RNF180: variants seen among roughly 807,000 people sequenced by gnomAD.
RNF180 encodes E3 ubiquitin-protein ligase RNF180.
Under a neutral mutation model 59.2 loss-of-function variants are expected in RNF180, and 38 were observed. The observed-to-expected ratio is 0.64, with a 90% CI of 0.50 to 0.84. The LOEUF (loss-of-function observed/expected upper bound fraction) is 0.84. Ranked by LOEUF, RNF180 falls within the 40% of genes least tolerant of loss-of-function variation. The pLI, the probability that RNF180 is intolerant of heterozygous loss-of-function variation, is 0.00. For synonymous variants in RNF180, 262 were observed against 240.3 expected (o/e 1.09, Z -0.84); for missense variants, 705 against 700.9 (o/e 1.01, Z -0.07).
At chr5:64,183,441 C>CTTTTT (rs367772828) in intron 1 of RNF180, among the ~76,000 whole-genome samples, 10 of 89,914 alleles carry the variant, frequency 1.1e-4, no homozygotes, top group African/African-American at 3.6e-4. Context: ...GAAAGTATAC[C>CTTTTT]TTTTTTTTTT....
intron 5 of RNF180, among the ~76,000 whole-genome samples, chr5:64,315,128 A>G (rs756876546): frequency 1.3e-5 from 2 of 152,212 alleles, no homozygotes; most frequent in African/African-American, 4.8e-5. Flanking sequence ...AAATGTTGAC[A>G]TATTTTATTA....
chr5:64,260,123 A>C (rs1283857388), intron 5 of RNF180, among the ~76,000 whole-genome samples: 1 of 152,224 alleles, frequency 6.6e-6, no homozygotes, highest in Non-Finnish European at 1.5e-5. Context: ...ATAGGCACAT[A>C]TGTAATTTAC....
At chr5:64,179,131 A>T (rs1750430889) in intron 1 of RNF180, among the ~76,000 whole-genome samples, 1 of 152,186 alleles carries the variant, frequency 6.6e-6, no homozygotes, top group Middle Eastern at 3.2e-3. Flanking sequence ...AAGCAAAATA[A>T]ATGTTTCATA....
At chr5:64,272,647 C>G (rs6875705) in intron 5 of RNF180, among the ~76,000 whole-genome samples, 39,979 of 151,528 alleles carry the variant, frequency 0.26, 5,411 homozygotes, top group Middle Eastern at 0.32. Flanking sequence ...AGGATGGTAA[C>G]GAAAATTAAT....
Position 64,369,477 on chromosome 5 carries a change from G to A in RNF180, c.1580-138G>A, listed in dbSNP as rs76561908. The A allele has an allele frequency of 1.6e-3, 791 of 485,862 alleles. 4 individuals carry two copies. The highest frequency in any genetic ancestry group is 0.015 in the African/African-American group (742 of 49,532). 30.1% of individuals were successfully genotyped at this position (485,862 alleles called of 1,614,324 possible). A position where few individuals can be genotyped will look rare whatever the true frequency, so the allele number is the denominator to read the frequency against. ...AAGTATAATAATAATAAAAAAAAAA[G>A]AAAAAACTGTCAGGAATACAACATA... On this transcript the variant is annotated intron_variant, in intron 7 of 7. Transcript: ENST00000389100.
intron 5 of RNF180, among the ~76,000 whole-genome samples, chr5:64,266,267 A>G (rs1230636279): frequency 6.6e-6 from 1 of 152,102 alleles, no homozygotes; most frequent in Non-Finnish European, 1.5e-5. Flanking sequence ...TGTCAATGCC[A>G]CATAGAAAAG....
chr5:64,324,634 A>G (rs1341195239), intron 5 of RNF180, among the ~76,000 whole-genome samples: 1 of 152,180 alleles, frequency 6.6e-6, no homozygotes, highest in East Asian at 1.9e-4. Context: ...TAATCCCATA[A>G]TTACTCTCAG....
chr5:64,305,039 A>G (rs1014423878), intron 5 of RNF180, among the ~76,000 whole-genome samples: 41 of 151,788 alleles, frequency 2.7e-4, no homozygotes, highest in African/African-American at 8.0e-4. Flanking sequence ...TTTAGCAGTA[A>G]TGTGGGTTTT....
At chr5:64,230,131 A>C (rs1347396863) in intron 5 of RNF180, among the ~76,000 whole-genome samples, 1 of 152,214 alleles carries the variant, frequency 6.6e-6, no homozygotes, top group African/African-American at 2.4e-5. Context: ...AAATGAGGCA[A>C]CTTCTATAAA....
In RNF180 at chr5:64,330,320, A is replaced by G; in HGVS notation, c.1493A>G (p.Tyr498Cys). 6.6e-7 allele frequency: 1 copy of G among 1,525,578 alleles called. No individual in the cohort carries two copies. The highest frequency in any genetic ancestry group is 1.2e-5 in the South Asian group (1 of 81,370). 94.5% of individuals were successfully genotyped at this position (1,525,578 alleles called of 1,614,324 possible). A position where few individuals can be genotyped will look rare whatever the true frequency, so the allele number is the denominator to read the frequency against. ...ACAAAAACTTTCTTTACTAAAGAATATTTGAAAATAAAACAAAGCTTTCAG... is the reference window on the plus strand; with the variant it reads ...ACAAAAACTTTCTTTACTAAAGAATGTTTGAAAATAAAACAAAGCTTTCAG... ...NATKTFFTKE[Y>C]LKIKQSFQKS... The change falls in exon 7 of 8, where the codon TAT becomes TGT. Residue 498 changes from tyrosine (Y) to cysteine (C), a missense_variant. Transcript: ENST00000389100.
intron 5 of RNF180, among the ~76,000 whole-genome samples, chr5:64,277,784 C>T (rs531566691): frequency 3.9e-5 from 6 of 152,148 alleles, no homozygotes; most frequent in African/African-American, 1.4e-4. Flanking sequence ...ATAGTGTCAG[C>T]TCCTTCTTCT....
chr5:64,250,503 T>G (rs1414062627), intron 5 of RNF180, among the ~76,000 whole-genome samples: 1 of 150,042 alleles, frequency 6.7e-6, no homozygotes, highest in Non-Finnish European at 1.5e-5. Flanking sequence ...AAAGAGAAAA[T>G]CAACAAACCA....
intron 2 of RNF180, among the ~76,000 whole-genome samples, chr5:64,202,280 G>A (rs1751793653): frequency 6.6e-6 from 1 of 152,138 alleles, no homozygotes. Flanking sequence ...TGACTTATTT[G>A]TGTCAGCGTA....
At chr5:64,305,260 G>A (rs960285303) in intron 5 of RNF180, among the ~76,000 whole-genome samples, 7 of 151,096 alleles carry the variant, frequency 4.6e-5, no homozygotes, top group African/African-American at 1.7e-4. Flanking sequence ...TTTGACTCTG[G>A]GTCAGCCTTT....
chr5:64,253,916 C>T (rs979289454), intron 5 of RNF180, among the ~76,000 whole-genome samples: 5 of 152,032 alleles, frequency 3.3e-5, no homozygotes, highest in Admixed American at 6.6e-5. Context: ...ATATAGTAAG[C>T]ATTTAATAAA....
chr5:64,213,992 A>T lies in RNF180; in HGVS notation c.666A>T (p.Arg222Ser). 1 of 1,614,122 alleles carries T rather than the reference A, an allele frequency of 6.2e-7. No homozygotes were observed. The highest frequency in any genetic ancestry group is 1.1e-5 in the South Asian group (1 of 91,086). The change falls in exon 4 of 8, where the codon AGA (arginine) becomes AGT (serine). Residue 222 changes from arginine (R) to serine (S), a missense_variant. Transcript: ENST00000389100. ...TTGTGACTGGCAGATGCGCTACAAG[A>T]GCTTTTCATAGAAAATCACATAGTT... ...PQLVTGRCAT[R>S]AFHRKSHSLD...
In RNF180 at chr5:64,272,724, A is replaced by G. The variant is rs542067605; in HGVS notation, c.1228-52462A>G. ...AAACGTAGAAAGACAGGAATGGAGA[A>G]ATTCAGAGACTAGGATGAAAAGGAT... is the stretch of plus-strand genomic sequence containing the variant. On this transcript the variant is annotated intron_variant, in intron 5 of 7. Coordinates refer to ENST00000389100, the MANE Select transcript of RNF180 (RefSeq NM_001113561.2). 9.9e-5 allele frequency among the ~76,000 whole-genome samples: 15 copies of G among 152,154 alleles called. 2 individuals are homozygous for G. The highest frequency in any genetic ancestry group is 3.6e-4 in the African/African-American group (15 of 41,540).
At chr5:64,312,255 A>G (rs114441978) in intron 5 of RNF180, among the ~76,000 whole-genome samples, 1,985 of 152,160 alleles carry the variant, frequency 0.013, 45 homozygotes, top group African/African-American at 0.044. Context: ...AAGATTTCTA[A>G]CAAGATCTCA....
At chr5:64,361,939 G>C (rs141100499) in intron 7 of RNF180, among the ~76,000 whole-genome samples, 1 of 151,184 alleles carries the variant, frequency 6.6e-6, no homozygotes, top group African/African-American at 2.4e-5. Context: ...AAAAATCTTG[G>C]ATATTAGAGT....
Sources: allele counts gnomAD v4.1 joint callset (sites outside exome capture counted in the v4.1 genomes callset), GRCh38; gene constraint gnomAD v4.1.1; transcripts MANE v1.5; gene names NCBI Gene and HGNC (gene_info 2026-07-23, HGNC 2026-07-21).